Variants in CCDC33 observed in about 807,000 individuals in gnomAD.
CCDC33 encodes the protein coiled-coil domain-containing protein 33.
A neutral mutation model predicts 91.9 loss-of-function variants in CCDC33; 94 were observed. The observed-to-expected ratio is 1.02, with a 90% CI of 0.87 to 1.21. CCDC33 has a LOEUF of 1.21. CCDC33 is among the 50% of genes most tolerant of loss of function. The probability of loss-of-function intolerance (pLI) is 0.00; values close to 1 mark genes in which losing one functional copy is unlikely to be tolerated. For missense variants in CCDC33, 940 were observed against 935.5 expected, an observed-to-expected ratio of 1.00 and a Z score of -0.06; for synonymous variants, 396 against 374.5, an observed-to-expected ratio of 1.06 and a Z score of -0.66.
At chr15:74,222,917 C>G (rs1238704345) in intron 2 of CCDC33, among the ~76,000 whole-genome samples, 2 of 151,974 alleles carry the variant, frequency 1.3e-5, no homozygotes, top group African/African-American at 2.4e-5. Flanking sequence ...CTCACTCCCC[C>G]CGCCCCCATG....
chr15:74,321,551 C>T (rs1315832999), intron 11 of CCDC33, among the ~76,000 whole-genome samples: 1 of 152,140 alleles, frequency 6.6e-6, no homozygotes, highest in Admixed American at 6.5e-5. Context: ...AGGCATGAGC[C>T]ACTGTGCCCG....
intron 11 of CCDC33, among the ~76,000 whole-genome samples, chr15:74,326,280 A>G (rs1350445774): frequency 6.6e-6 from 1 of 152,240 alleles, no homozygotes; most frequent in African/African-American, 2.4e-5. Flanking sequence ...AGCTATGATC[A>G]TGCCACTGCA....
rs546925375 is a variant in CCDC33, at chr15:74,330,962, C to G, written c.1546-19C>G. 826 of 1,571,484 alleles carry G rather than the reference C, an allele frequency of 5.3e-4. 8 individuals are homozygous for G. The South Asian group carries it at 9.4e-3, about 18-fold the overall frequency. On this transcript the variant is annotated intron_variant, in intron 13 of 18. Coordinates refer to ENST00000398814, the MANE Select transcript of CCDC33 (RefSeq NM_025055.5). ...CCAGGCACCCATTCTCTCCCCTTCT[C>G]TCCTCCCCCATCTCACAGAAGAATG...
At chr15:74,227,607 T>A (rs767040487) in intron 2 of CCDC33, among the ~76,000 whole-genome samples, 11 of 152,210 alleles carry the variant, frequency 7.2e-5, no homozygotes, top group African/African-American at 1.9e-4. Context: ...CCTGAACCAC[T>A]GCTGTTGGCT....
At chr15:74,307,398 G>A (rs904034193) in intron 11 of CCDC33, among the ~76,000 whole-genome samples, 4 of 152,120 alleles carry the variant, frequency 2.6e-5, no homozygotes, top group African/African-American at 9.7e-5. Flanking sequence ...GACTGAAAAG[G>A]AACATACAAT....
At chr15:74,266,546 G>T in intron 3 of CCDC33, 132 bp from the exon 4 acceptor site, 1 of 694,026 alleles carries the variant, frequency 1.4e-6, no homozygotes, top group Non-Finnish European at 2.6e-6. Context: ...ACATGTGTGT[G>T]CATGTTGATT....
intron 10 of CCDC33, among the ~76,000 whole-genome samples, 190 bp downstream of exon 10, chr15:74,282,039 T>C (rs2059378088): frequency 1.3e-5 from 2 of 151,738 alleles, no homozygotes; most frequent in African/African-American, 4.8e-5. Context: ...AAGAGGAGAG[T>C]TGTGAGCAGA....
chr15:74,251,361 T>A (rs563829273), intron 2 of CCDC33, among the ~76,000 whole-genome samples: 1 of 152,224 alleles, frequency 6.6e-6, no homozygotes, highest in South Asian at 2.1e-4. Context: ...GACCTGCCAG[T>A]CAGAGCACAG....
At chr15:74,294,593 C>G (rs2059644657) in intron 10 of CCDC33, among the ~76,000 whole-genome samples, 2 of 151,642 alleles carry the variant, frequency 1.3e-5, no homozygotes, top group South Asian at 4.2e-4. Context: ...TAAAAATACA[C>G]AAAATTAGCC....
chr15:74,278,775 T>TC (rs914258387), intron 7 of CCDC33, among the ~76,000 whole-genome samples: 3 of 152,262 alleles, frequency 2.0e-5, no homozygotes, highest in African/African-American at 7.2e-5. Context: ...TGGGAATATT[T>TC]CATATAGCTC....
At chr15:74,215,093 C>A (rs539913728), upstream of CCDC33, among the ~76,000 whole-genome samples, 2 of 152,062 alleles carry the variant, frequency 1.3e-5, no homozygotes, top group African/African-American at 4.8e-5. Flanking sequence ...GTCACTAACC[C>A]GGGTCACAGG....
At chr15:74,330,797 G>A in intron 13 of CCDC33, 46 bp downstream of exon 13, 1 of 1,556,462 alleles carries the variant, frequency 6.4e-7, no homozygotes, top group Non-Finnish European at 8.8e-7. Context: ...CTATGGTGGG[G>A]GAGCATCGGG....
intron 1 of CCDC33, among the ~76,000 whole-genome samples, chr15:74,241,901 C>A (rs943978584): frequency 1.3e-5 from 2 of 152,134 alleles, no homozygotes; most frequent in African/African-American, 4.8e-5. Context: ...ACAATGGCAT[C>A]GCCATTAACT....
Position 74,218,571 on chromosome 15 carries a change from C to T in CCDC33, c.385C>T (p.Arg129Trp), listed in dbSNP as rs954580093. ...ACTGAGGCTGGACGAACCCTTGGGACGGGCAGCCCAGCGGGTGGGTGAGGC... is the reference window on the plus strand; with the variant it reads ...ACTGAGGCTGGACGAACCCTTGGGATGGGCAGCCCAGCGGGTGGGTGAGGC... The change falls in exon 2 of 3, where the codon CGG becomes TGG. Residue 129 changes from arginine (R) to tryptophan (W), a missense_variant. Physicochemically the swap from Arg to Trp is moderately radical, Grantham distance 101. Transcript: ENST00000635913. This position sits in a 1 kb window ranked among gnomAD's most constrained non-coding sequence, Gnocchi z 4.8. 23 of 1,289,648 alleles carry T rather than the reference C, an allele frequency of 1.8e-5. No individual in the cohort carries two copies. Among genetic ancestry groups the T allele is most frequent in the East Asian group, 5.5e-5 (1 of 18,036 alleles). 79.9% of individuals were successfully genotyped at this position (1,289,648 alleles called of 1,614,324 possible).
intron 5 of CCDC33, among the ~76,000 whole-genome samples, chr15:74,270,881 G>A (rs1183505814): frequency 2.0e-5 from 3 of 152,134 alleles, no homozygotes; most frequent in East Asian, 1.9e-4. Flanking sequence ...TGAAAGCTGC[G>A]CCAATAGAAG....
Position 74,236,550 on chromosome 15 carries a change from T to G in CCDC33, c.-170T>G. The G allele has an allele frequency of 7.8e-5, 21 of 268,000 alleles. No homozygotes were observed. Among genetic ancestry groups the G allele is most frequent in the East Asian group, 2.8e-4 (3 of 10,574 alleles). The allele number at this position is 268,000 out of a possible 1,614,324, so 16.6% of individuals were successfully genotyped here. ...CCCCACATCCAGGCCCCAGGGCTGG[T>G]GTGTGGCACCCCTGAGACCACATTG... is the stretch of plus-strand genomic sequence containing the variant. On this transcript the variant is annotated 5_prime_UTR_variant, in exon 1 of 19. Coordinates refer to ENST00000398814, the MANE Select transcript of CCDC33 (RefSeq NM_025055.5).
chr15:74,324,976 C>T (rs1479176526), intron 11 of CCDC33, among the ~76,000 whole-genome samples: 6 of 149,156 alleles, frequency 4.0e-5, no homozygotes, highest in Admixed American at 2.0e-4. Flanking sequence ...ACCTCCTCCT[C>T]CTCCACACTA....
intron 18 of CCDC33, 58 bp downstream of exon 18, chr15:74,335,146 C>T (rs528890370): frequency 5.2e-6 from 7 of 1,342,792 alleles, no homozygotes; most frequent in East Asian, 2.3e-5. Flanking sequence ...AGGAAGCCAC[C>T]GCACCCCCAA....
At chr15:74,273,830 A>ATTTTTT (rs34131427) in intron 7 of CCDC33, among the ~76,000 whole-genome samples, 1 of 132,460 alleles carries the variant, frequency 7.5e-6, no homozygotes, top group African/African-American at 2.9e-5. Context: ...GCAGTCTTGA[A>ATTTTTT]TTTTTTTTTT....
Sources: gnomAD v4.1 joint callset for allele counts (sites outside exome capture counted in the v4.1 genomes callset) on GRCh38, gnomAD v4.1.1 for gene constraint, Gnocchi (gnomAD v3.1) non-coding constraint, MANE v1.5 for transcripts, NCBI Gene and HGNC (gene_info 2026-07-23, HGNC 2026-07-21) for gene names.